RSPO3: variants seen among roughly 807,000 people sequenced by gnomAD.
The protein encoded by RSPO3 is R-spondin-3.
A neutral mutation model predicts 36.5 loss-of-function variants in RSPO3; 17 were observed. That is an observed-to-expected ratio of 0.47 (90% CI 0.32 to 0.70). RSPO3 has a LOEUF of 0.70. Ranked by LOEUF, RSPO3 falls within the 30% of genes least tolerant of loss-of-function variation. The probability of loss-of-function intolerance (pLI) is 0.04; values close to 1 mark genes in which losing one functional copy is unlikely to be tolerated. For missense variants in RSPO3, 294 were observed against 322.5 expected (o/e 0.91, Z 0.68); for synonymous variants, 108 against 107.0 (o/e 1.01, Z -0.06).
rs751969931 is a variant in RSPO3 at position 127,148,613 on chromosome 6, A to G, written c.98-35A>G. Reference sequence around the variant, plus strand: ...ATGTCATTTTTTTATCTGTGATTTAACCTTTGTAATGTCTTTCTACATTTG... The same window carrying G: ...ATGTCATTTTTTTATCTGTGATTTAGCCTTTGTAATGTCTTTCTACATTTG... On this transcript the variant is annotated intron_variant, in intron 1 of 4. Coordinates refer to ENST00000356698, the MANE Select transcript of RSPO3 (RefSeq NM_032784.5). The G allele has an allele frequency of 3.9e-6, 6 of 1,541,430 alleles. No individual in the cohort carries two copies. In the Admixed American group the frequency reaches 1.1e-4, roughly 27 times the overall value.
At chr6:127,152,354 C>T (rs141537847) in intron 3 of RSPO3, among the ~76,000 whole-genome samples, 335 of 152,168 alleles carry the variant, frequency 2.2e-3, no homozygotes, top group African/African-American at 7.4e-3. Flanking sequence ...CATCATATGG[C>T]GCCTAGCCTG....
chr6:127,125,183 A>G (rs1348346831), intron 1 of RSPO3, among the ~76,000 whole-genome samples: 1 of 152,138 alleles, frequency 6.6e-6, no homozygotes, highest in Admixed American at 6.5e-5. Flanking sequence ...ATGATTGTCC[A>G]ATTAAATAAA....
chr6:127,119,186 G>A lies in RSPO3; in HGVS notation c.-7G>A. 6.3e-7 allele frequency: 1 copy of A among 1,596,110 alleles called. No homozygotes were observed. Among genetic ancestry groups the A allele is most frequent in the Non-Finnish European group, 8.6e-7 (1 of 1,163,976 alleles). ...GGAGAAAGGAAGGGAAGCATTACTG[G>A]GTTACTATGCACTTGCGACTGATTT... On this transcript the variant is annotated 5_prime_UTR_variant, in exon 1 of 5. Transcript: ENST00000356698.
intron 2 of RSPO3, among the ~76,000 whole-genome samples, chr6:127,150,078 T>C (rs1053537624): frequency 7.9e-5 from 12 of 151,858 alleles, no homozygotes; most frequent in African/African-American, 2.9e-4. Context: ...AAAGATAATA[T>C]CCTTTGTATG....
chr6:127,184,878 A>C (rs533506181), intron 4 of RSPO3, among the ~76,000 whole-genome samples: 158 of 152,114 alleles, frequency 1.0e-3, no homozygotes, highest in Non-Finnish European at 2.0e-3. Context: ...GAACTTTTCC[A>C]TCAGTGGTGG....
At chr6:127,119,323 C>G in intron 1 of RSPO3, 34 bp downstream of exon 1, 1 of 1,508,578 alleles carries the variant, frequency 6.6e-7, no homozygotes, top group Non-Finnish European at 9.2e-7. Context: ...TTTGCTCCCT[C>G]CCGCCGCGTT....
intron 3 of RSPO3, 42 bp from the exon 4 acceptor site, chr6:127,155,199 G>A: frequency 6.3e-7 from 1 of 1,585,168 alleles, no homozygotes; most frequent in African/African-American, 1.3e-5. Context: ...TAGTGAAAGT[G>A]GTTGTAAGCC....
At position 127,197,701 on chromosome 6, in the gene RSPO3, A is replaced by C; in HGVS notation, c.*1694A>C. On this transcript the variant is annotated 3_prime_UTR_variant, in exon 5 of 5. Coordinates refer to ENST00000356698, the MANE Select transcript of RSPO3 (RefSeq NM_032784.5). ...ACCAGTTGTACAGTTCATGTAATCT[A>C]CTTGGCTTAATTGATTTTCCACTTC... The C allele has an allele frequency of 1.6e-6, 1 of 641,234 alleles. No homozygotes were observed. Among genetic ancestry groups the C allele is most frequent in the Non-Finnish European group, 2.5e-6 (1 of 404,394 alleles). 39.7% of individuals were successfully genotyped at this position (641,234 alleles called of 1,614,324 possible). A position where few individuals can be genotyped will look rare whatever the true frequency, so the allele number is the denominator to read the frequency against.
At chr6:127,168,476 A>G (rs1197847016) in intron 4 of RSPO3, among the ~76,000 whole-genome samples, 9 of 151,944 alleles carry the variant, frequency 5.9e-5, no homozygotes, top group Non-Finnish European at 2.9e-5. Context: ...AAATTTATTT[A>G]TGTTCTTTGT....
chr6:127,187,140 C>A (rs752873102), intron 4 of RSPO3, among the ~76,000 whole-genome samples: 2 of 151,912 alleles, frequency 1.3e-5, no homozygotes, highest in Non-Finnish European at 2.9e-5. Context: ...GGGTAGAGTA[C>A]GAGTGTTACA....
In RSPO3 at chr6:127,148,837, C is replaced by A. The variant is rs1367207224; in HGVS notation, c.287C>A (p.Thr96Lys). Reference protein sequence around the residue: ...GTRYPDINKCTKCKADCDTCF... With the variant: ...GTRYPDINKCKKCKADCDTCF... ...CGATATCCAGATATAAATAAGTGTACAAGTAAGTGCCCACACGAAATTGTA... is the reference window on the plus strand; with the variant it reads ...CGATATCCAGATATAAATAAGTGTAAAAGTAAGTGCCCACACGAAATTGTA... The change falls in exon 2 of 5, where the codon ACA becomes AAA. Residue 96 changes from threonine (T) to lysine (K), a missense_variant and splice_region_variant. Physicochemically the swap from Thr to Lys is moderately conservative, Grantham distance 78. Transcript: ENST00000356698. 6.2e-7 allele frequency: 1 copy of A among 1,606,228 alleles called. No homozygotes were observed. Among genetic ancestry groups the A allele is most frequent in the Admixed American group, 1.7e-5 (1 of 59,750 alleles).
chr6:127,124,875 C>T (rs1773910517), intron 1 of RSPO3, among the ~76,000 whole-genome samples: 1 of 152,030 alleles, frequency 6.6e-6, no homozygotes, highest in African/African-American at 2.4e-5. Context: ...TTCTCAAAGA[C>T]TGTGGGGGTG....
At chr6:127,177,812 G>A (rs185504914) in intron 4 of RSPO3, among the ~76,000 whole-genome samples, 6 of 151,692 alleles carry the variant, frequency 4.0e-5, no homozygotes. Flanking sequence ...TCAAAAGTCA[G>A]TCGTAAATGC....
intron 1 of RSPO3, among the ~76,000 whole-genome samples, chr6:127,136,164 A>G (rs906926268): frequency 1.3e-5 from 2 of 152,122 alleles, no homozygotes; most frequent in African/African-American, 4.8e-5. Flanking sequence ...CCAAGGGTTG[A>G]CCTTCCAGAG....
intron 4 of RSPO3, among the ~76,000 whole-genome samples, chr6:127,175,494 C>T (rs2114624072): frequency 6.6e-6 from 1 of 151,856 alleles, no homozygotes; most frequent in South Asian, 2.1e-4. Flanking sequence ...CTTCAGTTAT[C>T]AAATAATACT....
Position 127,166,472 on chromosome 6 carries a change from G to A in RSPO3, c.634+11034G>A, listed in dbSNP as rs929292269. ...ATTTCAGTTGTGCTTTTTAACTATCGCTATGACTTTAAGCAAATTCTTTAG... is the reference window on the plus strand; with the variant it reads ...ATTTCAGTTGTGCTTTTTAACTATCACTATGACTTTAAGCAAATTCTTTAG... On this transcript the variant is annotated intron_variant, in intron 4 of 4. Transcript: ENST00000356698. Among the ~76,000 whole-genome samples, 4 of 151,926 alleles carry A rather than the reference G, an allele frequency of 2.6e-5. No individual in the cohort carries two copies. In the South Asian group the frequency reaches 6.2e-4, roughly 24 times the overall value.
At chr6:127,158,035 TAATAAA>T (rs1774628704) in intron 4 of RSPO3, among the ~76,000 whole-genome samples, 1 of 150,892 alleles carries the variant, frequency 6.6e-6, no homozygotes, top group African/African-American at 2.4e-5. Flanking sequence ...GTATAATATA[TAATAAA>T]AATATCTTGA....
chr6:127,194,195 C>T, intron 4 of RSPO3, among the ~76,000 whole-genome samples: 1 of 152,104 alleles, frequency 6.6e-6, no homozygotes, highest in African/African-American at 2.4e-5. Flanking sequence ...GTAACCAGAG[C>T]CCAAGAAAAG....
At chr6:127,122,929 A>G (rs1461296976) in intron 1 of RSPO3, among the ~76,000 whole-genome samples, 1 of 152,140 alleles carries the variant, frequency 6.6e-6, no homozygotes, top group Non-Finnish European at 1.5e-5. Flanking sequence ...GCCATCTAGT[A>G]GCTCGGTTTT....
Sources: gnomAD v4.1 joint callset for allele counts (sites outside exome capture counted in the v4.1 genomes callset) on GRCh38, gnomAD v4.1.1 for gene constraint, MANE v1.5 for transcripts, NCBI Gene and HGNC (gene_info 2026-07-23, HGNC 2026-07-21) for gene names.